ZNF469: variants seen among roughly 807,000 people sequenced by gnomAD.
The protein encoded by ZNF469 is zinc finger protein 469.
ZNF469 carries 1 observed loss-of-function variant against 1.0 expected under a neutral mutation model. That is an observed-to-expected ratio of 1.00 (90% confidence interval 0.35 to 4.73). The LOEUF (loss-of-function observed/expected upper bound fraction) is 4.73, where lower values mean the gene tolerates loss of function less well. Among genes scored for constraint, ZNF469 ranks in the 30% most tolerant of loss-of-function variants. The pLI, the probability that ZNF469 is intolerant of heterozygous loss-of-function variation, is 0.16. For synonymous variants in ZNF469, 2,703 were observed against 2,363.4 expected, an observed-to-expected ratio of 1.14 and a Z score of -4.17; for missense variants, 6,100 against 5,356.3, an observed-to-expected ratio of 1.14 and a Z score of -4.33.
chr16:88,264,098 C>T, the ZNF469 span, among the ~76,000 whole-genome samples: 1 of 152,062 alleles, frequency 6.6e-6, no homozygotes, highest in East Asian at 1.9e-4. Context: ...AGGACCTGCT[C>T]CTGGCACCAA....
the ZNF469 span, among the ~76,000 whole-genome samples, chr16:88,169,190 G>A: frequency 6.6e-6 from 1 of 152,220 alleles, no homozygotes; most frequent in Admixed American, 6.5e-5. The surrounding 1 kb of genome is among the most constrained non-coding windows in gnomAD (Gnocchi z 6.1). Context: ...GAGGGATGAG[G>A]TGACGTTGGT....
chr16:88,402,771 C>A (rs1258163617), intron 1 of ZNF469, among the ~76,000 whole-genome samples: 1 of 152,216 alleles, frequency 6.6e-6, no homozygotes, highest in Non-Finnish European at 1.5e-5. Context: ...TCCAGGGCCT[C>A]TGATGAGCTG....
chr16:88,337,657 T>C, the ZNF469 span, among the ~76,000 whole-genome samples: 1 of 152,200 alleles, frequency 6.6e-6, no homozygotes, highest in East Asian at 1.9e-4. Context: ...TCTGGTCCTC[T>C]GCATCCTCAG....
At chr16:88,192,895 ATGG>A in the ZNF469 span, among the ~76,000 whole-genome samples, 9 of 145,046 alleles carry the variant, frequency 6.2e-5, no homozygotes, top group East Asian at 6.5e-4. Context: ...GGTGGTGGTG[ATGG>A]TGGTGATGAT....
chr16:88,343,639 G>T, the ZNF469 span, among the ~76,000 whole-genome samples: 27 of 152,086 alleles, frequency 1.8e-4, no homozygotes, highest in African/African-American at 6.5e-4. Context: ...AGCATCTGAG[G>T]CAGCACAGGG....
chr16:88,437,133 C>A lies in ZNF469; in HGVS notation c.9663C>A (p.Ser3221Arg), dbSNP rs1555520265. The A allele has an allele frequency of 6.5e-7, 1 of 1,548,632 alleles. No individual in the cohort carries two copies. Among genetic ancestry groups the A allele is most frequent in the Non-Finnish European group, 8.7e-7 (1 of 1,146,596 alleles). Reference sequence around the variant, plus strand: ...ACCTGCCCGGAGGCCTGGAGGGCAGCAGCGCTGTCGCCCACCTTCTGAACA... The same window carrying A: ...ACCTGCCCGGAGGCCTGGAGGGCAGAAGCGCTGTCGCCCACCTTCTGAACA... ...LGDLPGGLEG[S>R]SAVAHLLNSI... Residue 3221 changes from serine (S) to arginine (R), a missense_variant, in exon 3 of 3, where the codon AGC (serine) becomes AGA (arginine). Coordinates refer to ENST00000565624, the MANE Select transcript of ZNF469 (RefSeq NM_001367624.2).
In ZNF469 at chr16:88,427,715, C is replaced by G; in HGVS notation, c.245C>G (p.Ala82Gly). The change falls in exon 3 of 3, where the codon GCC becomes GGC. Residue 82 changes from alanine (A) to glycine (G), a missense_variant. By Grantham distance (60) the Ala-to-Gly change is moderately conservative. Coordinates refer to ENST00000565624, the MANE Select transcript of ZNF469 (RefSeq NM_001367624.2). ...AAGCCCCCATCCCTGAGAGGCCAGGCCCCGAGCAGCACCCCTGGGAAGAGG... is the reference window on the plus strand; with the variant it reads ...AAGCCCCCATCCCTGAGAGGCCAGGGCCCGAGCAGCACCCCTGGGAAGAGG... ...ELKPPSLRGQ[A>G]PSSTPGKRGS... The G allele has an allele frequency of 6.5e-7, 1 of 1,534,610 alleles. No homozygotes were observed. The highest frequency in any genetic ancestry group is 8.8e-7 in the Non-Finnish European group (1 of 1,142,464).
intron 1 of ZNF469, among the ~76,000 whole-genome samples, chr16:88,386,833 G>T (rs1218006699): frequency 2.0e-5 from 3 of 152,270 alleles, no homozygotes; most frequent in Non-Finnish European, 4.4e-5. Flanking sequence ...GTTCCGTGAG[G>T]ATGGGGCTCT....
chr16:88,245,704 G>A, the ZNF469 span, among the ~76,000 whole-genome samples: 1 of 152,242 alleles, frequency 6.6e-6, no homozygotes, highest in African/African-American at 2.4e-5. Flanking sequence ...AAGACTCCCC[G>A]GCCTATTTTT....
chr16:88,229,230 C>T, the ZNF469 span, among the ~76,000 whole-genome samples: 5 of 152,182 alleles, frequency 3.3e-5, no homozygotes, highest in African/African-American at 7.2e-5. Context: ...AAAAAACAAC[C>T]GGAGAGACTC....
intron 1 of ZNF469, among the ~76,000 whole-genome samples, chr16:88,416,360 G>A (rs1270806960): frequency 6.6e-6 from 1 of 152,204 alleles, no homozygotes; most frequent in Non-Finnish European, 1.5e-5. Context: ...ATTGCTGCCC[G>A]GGCGTCCTCA....
the ZNF469 span, among the ~76,000 whole-genome samples, chr16:88,169,553 T>A: frequency 6.6e-6 from 1 of 152,202 alleles, no homozygotes; most frequent in African/African-American, 2.4e-5. The surrounding 1 kb of genome is among the most constrained non-coding windows in gnomAD (Gnocchi z 6.1). Flanking sequence ...TCCTTCTTAG[T>A]CCTGAGCTGA....
the ZNF469 span, among the ~76,000 whole-genome samples, chr16:88,298,055 C>A: frequency 6.6e-6 from 1 of 152,248 alleles, no homozygotes; most frequent in Non-Finnish European, 1.5e-5. Flanking sequence ...AGTCCTTCTT[C>A]ATCTTTTCAG....
the ZNF469 span, among the ~76,000 whole-genome samples, chr16:88,324,120 C>T: frequency 6.6e-6 from 1 of 152,250 alleles, no homozygotes; most frequent in Non-Finnish European, 1.5e-5. Context: ...TGGCCAGGGG[C>T]CTGTGGTCAG....
intron 1 of ZNF469, among the ~76,000 whole-genome samples, chr16:88,395,702 A>G (rs1053482475): frequency 5.3e-5 from 8 of 152,168 alleles, no homozygotes; most frequent in Admixed American, 2.0e-4. Flanking sequence ...CTGTGTGACC[A>G]GCAAGGAGAA....
the ZNF469 span, among the ~76,000 whole-genome samples, chr16:88,225,641 G>T: frequency 6.6e-6 from 1 of 152,154 alleles, no homozygotes; most frequent in African/African-American, 2.4e-5. Flanking sequence ...CCATGGTGTT[G>T]GGAGCTGGAG....
At chr16:88,244,823 T>C in the ZNF469 span, among the ~76,000 whole-genome samples, 6 of 148,098 alleles carry the variant, frequency 4.1e-5, no homozygotes, top group Non-Finnish European at 7.5e-5. Context: ...ATATGCCCAG[T>C]GGCATGGCTC....
At chr16:88,232,076 G>A in the ZNF469 span, among the ~76,000 whole-genome samples, 240 of 152,254 alleles carry the variant, frequency 1.6e-3, no homozygotes, top group African/African-American at 2.9e-3. Context: ...CAGGGCGGGC[G>A]CGAGGAGGGT....
chr16:88,401,678 CATGGATGG>C (rs148630242), intron 1 of ZNF469, among the ~76,000 whole-genome samples: 5 of 105,898 alleles, frequency 4.7e-5, no homozygotes, highest in African/African-American at 6.8e-5. Flanking sequence ...TGGGTGAGTG[CATGGATGG>C]ATGGATGGAT....
Sources: allele counts gnomAD v4.1 joint callset (sites outside exome capture counted in the v4.1 genomes callset), GRCh38; gene constraint gnomAD v4.1.1; non-coding constraint Gnocchi (gnomAD v3.1); transcripts MANE v1.5; gene names NCBI Gene and HGNC (gene_info 2026-07-23, HGNC 2026-07-21).